The following ZAN variants were observed in gnomAD, a reference collection of about 807,000 sequenced individuals.
ZAN encodes the protein zonadhesin (gene/pseudogene).
A neutral mutation model predicts 286.2 loss-of-function variants in ZAN; 260 were observed. The ratio of observed to expected loss-of-function variants is 0.91; its 90% CI spans 0.82 to 1.01. The LOEUF (loss-of-function observed/expected upper bound fraction) is 1.01. Among genes scored for constraint, ZAN ranks in the 50% least tolerant of loss-of-function variants. ZAN has a pLI of 0.00. For synonymous variants in ZAN, 1,368 were observed against 1,417.5 expected, an observed-to-expected ratio of 0.97 and a Z score of 0.79; for missense variants, 3,410 against 3,639.2, an observed-to-expected ratio of 0.94 and a Z score of 1.62.
At chr7:100,779,782 T>C in intron 35 of ZAN, 32 bp downstream of exon 35, 1 of 1,525,942 alleles carries the variant, frequency 6.6e-7, no homozygotes, top group Non-Finnish European at 8.8e-7. Context: ...CCCAAACCCC[T>C]CCCAAACCCC....
chr7:100,753,867 T>A, intron 14 of ZAN, among the ~76,000 whole-genome samples: 1 of 149,018 alleles, frequency 6.7e-6, no homozygotes, highest in South Asian at 2.1e-4. Flanking sequence ...CAAAAGCAAT[T>A]CTGTGGGTTT....
At chr7:100,751,157 C>T (rs757435888) in intron 12 of ZAN, 25 bp from the exon 13 acceptor site, 64 of 1,559,874 alleles carry the variant, frequency 4.1e-5, no homozygotes, top group Admixed American at 2.0e-4. Flanking sequence ...TTTCTCTCTC[C>T]GTCTCTCTCC....
chr7:100,736,601 C>G lies in ZAN; in HGVS notation c.225C>G (p.Thr75=), dbSNP rs531140618. The G allele has an allele frequency of 2.0e-6, 3 of 1,522,980 alleles. 1 individual carries two copies. The allele number at this position is 1,522,980 out of a possible 1,614,324, so 94.3% of individuals were successfully genotyped here. A position where few individuals can be genotyped will look rare whatever the true frequency, so the allele number is the denominator to read the frequency against. ...GTGGGCCCTCTCCCACCGGCTCCAC[C>G]GGGGCCCCCGGGGGGTACCCTAACG... is the stretch of plus-strand genomic sequence containing the variant. ...RASGPSPTGS[T]GAPGGYPNGE... Residue 75 remains threonine, a synonymous_variant, in exon 4 of 48, where the codon ACC becomes ACG. Transcript: ENST00000613979.
intron 19 of ZAN, among the ~76,000 whole-genome samples, chr7:100,761,869 G>T (rs1358097480): frequency 2.0e-5 from 3 of 151,526 alleles, no homozygotes; most frequent in African/African-American, 7.3e-5. Context: ...AACCCGGGAG[G>T]TGGAGGTTGC....
Position 100,788,031 on chromosome 7 carries a change from A to G in ZAN, c.7122A>G (p.Glu2374=). The change falls in exon 38 of 48, where the codon GAA becomes GAG. Residue 2374 remains glutamate, a synonymous_variant. Transcript: ENST00000613979. ...AGGGGGTGGAGCCCCTCCTCGTGGA[A>G]GGACGCAACAAGATGGATCCGCCCA... ...LPEGVEPLLV[E]GRNKMDPPRS... is the part of the protein sequence containing the mutation. 1.9e-6 allele frequency: 3 copies of G among 1,569,238 alleles called. No individual in the cohort carries two copies. The highest frequency in any genetic ancestry group is 2.2e-5 in the East Asian group (1 of 44,770).
chr7:100,765,606 C>T, intron 23 of ZAN, 52 bp downstream of exon 23: 5 of 1,529,832 alleles, frequency 3.3e-6, no homozygotes, highest in Non-Finnish European at 4.4e-6. Context: ...GGCCTGCTCC[C>T]TGCTCTCACA....
Position 100,752,407 on chromosome 7 carries a change from A to G in ZAN, c.2302A>G (p.Ile768Val), listed in dbSNP as rs1193436918. ...KPTTPTEKPT[I>V]SPEKLTIPTE... ...CACCACCCCCACAGAAAAACCCACC[A>G]TCTCCCCAGAAAAACTCACCATCCC... The change falls in exon 14 of 48, where the codon ATC becomes GTC. Residue 768 changes from isoleucine (I) to valine (V), a missense_variant. Ile to Val is a conservative substitution (Grantham distance 29). Coordinates refer to ENST00000613979, the MANE Select transcript of ZAN (RefSeq NM_003386.3). 6.4e-7 allele frequency: 1 copy of G among 1,556,538 alleles called. No homozygotes were observed. Among genetic ancestry groups the G allele is most frequent in the Non-Finnish European group, 8.7e-7 (1 of 1,148,380 alleles).
chr7:100,775,621 G>A, intron 32 of ZAN, 46 bp downstream of exon 32: 7 of 1,611,128 alleles, frequency 4.3e-6, no homozygotes, highest in Non-Finnish European at 5.9e-6. Flanking sequence ...TGCTGGGGAG[G>A]GGACTCTTGT....
At chr7:100,770,817 A>G (rs949328203) in intron 28 of ZAN, among the ~76,000 whole-genome samples, 1 of 148,630 alleles carries the variant, frequency 6.7e-6, no homozygotes, top group African/African-American at 2.5e-5. Flanking sequence ...ACCATGCCCA[A>G]CTAATTTTTT....
At chr7:100,794,474 T>G (rs1380151948) in intron 44 of ZAN, among the ~76,000 whole-genome samples, 1 of 152,176 alleles carries the variant, frequency 6.6e-6, no homozygotes, top group Non-Finnish European at 1.5e-5. Context: ...CATGATCTCC[T>G]TCAGCCCTGA....
intron 28 of ZAN, among the ~76,000 whole-genome samples, chr7:100,771,438 T>G (rs1420427872): frequency 1.4e-5 from 2 of 139,472 alleles, no homozygotes; most frequent in Middle Eastern, 3.8e-3. Context: ...TTTTTTTTTG[T>G]TTTTTTTTTT....
chr7:100,797,256 G>C, intron 45 of ZAN, 110 bp from the exon 46 acceptor site: 1 of 992,636 alleles, frequency 1.0e-6, no homozygotes, highest in Non-Finnish European at 1.5e-6. Context: ...TAGAGATTTA[G>C]AGAGATGAGG....
At position 100,750,624 on chromosome 7, in the gene ZAN, G is replaced by T. The variant is rs754542731; in HGVS notation, c.1250-1G>T. The T allele has an allele frequency of 6.2e-7, 1 of 1,612,782 alleles. No individual in the cohort carries two copies. Among genetic ancestry groups the T allele is most frequent in the African/African-American group, 1.3e-5 (1 of 74,924 alleles). On this transcript the variant is annotated splice_acceptor_variant, in intron 11 of 47. Transcript: ENST00000613979. LOFTEE classifies it high-confidence loss of function. ...CTTGCCTGTTCCCTTCCTTTGCCTA[G>T]GGGGTCACTATATCTACCTTGAGGC...
Position 100,762,323 on chromosome 7 carries a change from G to A in ZAN, c.3951G>A (p.Gly1317=). ...GSPAGDKEEL[G]NSWQTDQDED... is the part of the protein sequence containing the mutation. ...CAGCAGGAGACAAGGAGGAGCTGGG[G>A]AACAGCTGGCAGACGGACCAGGACG... is the stretch of plus-strand genomic sequence containing the variant. Residue 1317 remains glycine, a synonymous_variant, in exon 20 of 48, where the codon GGG becomes GGA. Coordinates refer to ENST00000613979, the MANE Select transcript of ZAN (RefSeq NM_003386.3). 1 of 1,613,400 alleles carries A rather than the reference G, an allele frequency of 6.2e-7. No individual in the cohort carries two copies. The highest frequency in any genetic ancestry group is 8.5e-7 in the Non-Finnish European group (1 of 1,179,648).
intron 17 of ZAN, among the ~76,000 whole-genome samples, chr7:100,759,109 C>G (rs188131179): frequency 8.1e-4 from 123 of 152,146 alleles, no homozygotes; most frequent in African/African-American, 2.8e-3. Flanking sequence ...CCTGTAATCC[C>G]AGCTACTTGG....
Position 100,773,146 on chromosome 7 carries a change from C to T in ZAN, c.5426-139C>T, listed in dbSNP as rs950378980. ...CTCGAACTCCTGACCTCAGGTGATC[C>T]ACCTGCCTCGGCCTCCCAAAGTGCT... On this transcript the variant is annotated intron_variant, in intron 29 of 47. Transcript: ENST00000613979. The T allele has an allele frequency of 6.9e-6, 6 of 865,378 alleles. No homozygotes were observed. The Admixed American group carries it at 1.5e-4, about 21-fold the overall frequency. The allele number at this position is 865,378 out of a possible 1,614,324, so 53.6% of individuals were successfully genotyped here. A position where few individuals can be genotyped will look rare whatever the true frequency, so the allele number is the denominator to read the frequency against.
rs1300312354 is a variant in ZAN, at chr7:100,752,632, C to T, written c.2527C>T (p.Leu843Phe). ...VEETTISTEK[L>F]TIPMEKPTIS... The stretch of plus-strand genomic sequence containing the variant: ...AGAGACTACCATCTCTACAGAAAAA[C>T]TCACCATCCCCATGGAAAAACCCAC... The change falls in exon 14 of 48, where the codon CTC (leucine) becomes TTC (phenylalanine). Residue 843 changes from leucine (L) to phenylalanine (F), a missense_variant. Coordinates refer to ENST00000613979, the MANE Select transcript of ZAN (RefSeq NM_003386.3). 2.5e-6 allele frequency: 4 copies of T among 1,611,878 alleles called. No homozygotes were observed. The highest frequency in any genetic ancestry group is 3.4e-6 in the Non-Finnish European group (4 of 1,179,304).
At position 100,773,457 on chromosome 7, in the gene ZAN, G is replaced by C; in HGVS notation, c.5598G>C (p.Gln1866His). 5 of 1,613,912 alleles carry C rather than the reference G, an allele frequency of 3.1e-6. No individual in the cohort carries two copies. Among genetic ancestry groups the C allele is most frequent in the Non-Finnish European group, 4.2e-6 (5 of 1,179,900 alleles). Reference sequence around the variant, plus strand: ...GAACCTCCTGCGTGCCCCTTGGCCAGTGTGGCTGCACTGACCCAGCGGGCT... The same window carrying C: ...GAACCTCCTGCGTGCCCCTTGGCCACTGTGGCTGCACTGACCCAGCGGGCT... Reference protein sequence around the residue: ...LSGTSCVPLGQCGCTDPAGSY... With the variant: ...LSGTSCVPLGHCGCTDPAGSY... The change falls in exon 30 of 48, where the codon CAG (glutamine) becomes CAC (histidine). Residue 1866 changes from glutamine to histidine, a missense_variant. By Grantham distance (24) the Gln-to-His change is conservative. This residue lies in a region of ZAN where 1,289 missense variants were observed against 1,314.3 expected (regional missense o/e 0.98). Transcript: ENST00000613979.
In ZAN at chr7:100,773,436, C is replaced by T. The variant is rs1232380475; in HGVS notation, c.5577C>T (p.Thr1859=). Residue 1859 remains threonine, a synonymous_variant, in exon 30 of 48, where the codon ACC becomes ACT. Coordinates refer to ENST00000613979, the MANE Select transcript of ZAN (RefSeq NM_003386.3). The part of the protein sequence containing the change: ...ECQKGHILSG[T]SCVPLGQCGC... ...AGAAAGGCCACATCTTGAGTGGAAC[C>T]TCCTGCGTGCCCCTTGGCCAGTGTG... 1.9e-6 allele frequency: 3 copies of T among 1,614,008 alleles called. No homozygotes were observed. In the East Asian group the frequency reaches 6.7e-5, roughly 36 times the overall value.
Sources: allele counts gnomAD v4.1 joint callset (sites outside exome capture counted in the v4.1 genomes callset), GRCh38; gene constraint gnomAD v4.1.1; regional missense constraint gnomAD v4.1.1; transcripts MANE v1.5; gene names NCBI Gene and HGNC (gene_info 2026-07-23, HGNC 2026-07-21).